The following SLC4A8 variants were observed in gnomAD, a reference collection of about 807,000 sequenced individuals.
The protein encoded by SLC4A8 is electroneutral sodium bicarbonate exchanger 1.
A neutral mutation model predicts 125.0 loss-of-function variants in SLC4A8; 40 were observed. The observed-to-expected ratio is 0.32, with a 90% CI of 0.25 to 0.42. The LOEUF (loss-of-function observed/expected upper bound fraction) is 0.42, where lower values mean the gene tolerates loss of function less well. Among genes scored for constraint, SLC4A8 ranks in the 10% least tolerant of loss-of-function variants. SLC4A8 has a pLI of 1.00. For missense variants in SLC4A8, 863 were observed against 1,355.1 expected (o/e 0.64, Z 5.70); for synonymous variants, 456 against 476.0 (o/e 0.96, Z 0.55).
rs1395732679 is a variant in SLC4A8, at chr12:51,400,763, TATATATATATATATACATACATACACAC to T, written c.-112+9277_-112+9304del. Among the ~76,000 whole-genome samples the T allele has an allele frequency of 1.6e-3, 14 of 8,680 alleles. 2 individuals carry two copies. The highest frequency in any genetic ancestry group is 4.4e-3 in the East Asian group (1 of 228). 5.7% of individuals were successfully genotyped at this position (8,680 alleles called of 152,430 possible). ...ATATATATATATATATATATATATA[TATATATATATATATACATACATACACAC>T]ACACACACACATATATAAACATATA... On this transcript the variant is annotated intron_variant, in intron 1 of 24. Coordinates refer to the SLC4A8 transcript ENST00000358657.
intron 1 of SLC4A8, among the ~76,000 whole-genome samples, chr12:51,410,483 T>C (rs1250813657): frequency 6.7e-6 from 1 of 150,338 alleles, no homozygotes; most frequent in Non-Finnish European, 1.5e-5. Flanking sequence ...TGAGATGGAG[T>C]TTTCACTCTT....
intron 15 of SLC4A8, among the ~76,000 whole-genome samples, 177 bp from the exon 16 acceptor site, chr12:51,474,868 A>G (rs927466497): frequency 1.3e-5 from 2 of 152,216 alleles, no homozygotes; most frequent in Non-Finnish European, 2.9e-5. Context: ...TAACCACCCT[A>G]CTTGAAAGTG....
At chr12:51,391,578 C>G (rs1291727801) in intron 1 of SLC4A8, 1 of 152,370 alleles carries the variant, frequency 6.6e-6, no homozygotes, top group Non-Finnish European at 1.5e-5. Context: ...GGGAGAGGGT[C>G]GCGGGCTCCT....
intron 1 of SLC4A8, among the ~76,000 whole-genome samples, chr12:51,428,406 C>T (rs946438584): frequency 6.6e-6 from 1 of 152,128 alleles, no homozygotes; most frequent in Non-Finnish European, 1.5e-5. Flanking sequence ...AGCAGCTCTC[C>T]CGTATCCAAA....
upstream of SLC4A8, among the ~76,000 whole-genome samples, chr12:51,422,577 C>T (rs1169720086): frequency 6.6e-6 from 1 of 152,098 alleles, no homozygotes; most frequent in East Asian, 1.9e-4. Flanking sequence ...CCAAGTTGGT[C>T]TTGAACTGTT....
At chr12:51,494,779 T>G (rs1951418769) in intron 20 of SLC4A8, 166 bp from the exon 21 acceptor site, 2 of 535,140 alleles carry the variant, frequency 3.7e-6, no homozygotes, top group Non-Finnish European at 6.6e-6. Context: ...CTTAATAACC[T>G]TGGCCAAATT....
At chr12:51,468,425 CA>C (rs1565799722) in intron 11 of SLC4A8, among the ~76,000 whole-genome samples, 1 of 152,186 alleles carries the variant, frequency 6.6e-6, no homozygotes, top group Non-Finnish European at 1.5e-5. Flanking sequence ...TATAGTTCTT[CA>C]GTAACTTGAC....
At chr12:51,455,622 G>T (rs1298674873) in intron 5 of SLC4A8, among the ~76,000 whole-genome samples, 1 of 152,140 alleles carries the variant, frequency 6.6e-6, no homozygotes, top group Non-Finnish European at 1.5e-5. Flanking sequence ...ATGCATGGGG[G>T]AGTTTTCTCT....
At chr12:51,478,417 C>A in intron 16 of SLC4A8, among the ~76,000 whole-genome samples, 1 of 151,638 alleles carries the variant, frequency 6.6e-6, no homozygotes, top group Admixed American at 6.6e-5. Flanking sequence ...CCAGCCTGGG[C>A]AACAGAGCGA....
rs1938468810 is a variant in SLC4A8 at position 51,514,505 on chromosome 12, C to T, written c.*7067C>T. ...TGGTCAGAGGTCCTAAAACCACCAC[C>T]AGCTGGGGGTGCTGAGAATGGTGAG... On this transcript the variant is annotated 3_prime_UTR_variant, in exon 25 of 25. Transcript: ENST00000453097. 1 of 152,202 alleles carries T rather than the reference C, an allele frequency of 6.6e-6. No individual in the cohort carries two copies. The highest frequency in any genetic ancestry group is 3.2e-3 in the Middle Eastern group (1 of 316). The allele number at this position is 152,202 out of a possible 1,614,324, so 9.4% of individuals were successfully genotyped here. A position where few individuals can be genotyped will look rare whatever the true frequency, so the allele number is the denominator to read the frequency against.
At chr12:51,498,421 C>T (rs896019544) in intron 22 of SLC4A8, among the ~76,000 whole-genome samples, 11 of 151,800 alleles carry the variant, frequency 7.2e-5, no homozygotes, top group Admixed American at 1.3e-4. Context: ...AATGATTGTG[C>T]AGCATCTGGA....
chr12:51,501,313 TC>T (rs1937873767), intron 22 of SLC4A8, among the ~76,000 whole-genome samples: 1 of 152,200 alleles, frequency 6.6e-6, no homozygotes. Flanking sequence ...TCCCCTGTCT[TC>T]CGCCTTTTGG....
upstream of SLC4A8, chr12:51,424,715 C>A: frequency 4.5e-6 from 2 of 449,172 alleles, no homozygotes. Context: ...CGGTTGGCTC[C>A]CCGGCTCCTC....
Position 51,513,005 on chromosome 12 carries a change from T to C in SLC4A8, c.*5567T>C, listed in dbSNP as rs1458189291. The C allele has an allele frequency of 2.0e-5, 3 of 152,002 alleles. No individual in the cohort carries two copies. Among genetic ancestry groups the C allele is most frequent in the African/African-American group, 7.3e-5 (3 of 41,358 alleles). 9.4% of individuals were successfully genotyped at this position (152,002 alleles called of 1,614,324 possible). ...TGGGAGATTTCAGAAACAGTTTGAG[T>C]GTTGGCAGACCAATGCCCTGATAAG... On this transcript the variant is annotated 3_prime_UTR_variant, in exon 25 of 25. Transcript: ENST00000453097.
At chr12:51,407,284 A>G (rs1350223982) in intron 1 of SLC4A8, among the ~76,000 whole-genome samples, 2 of 152,212 alleles carry the variant, frequency 1.3e-5, no homozygotes, top group Non-Finnish European at 2.9e-5. Flanking sequence ...TTAGAGATGA[A>G]GTTTTGCTCT....
At chr12:51,392,266 T>C (rs1278759276) in intron 1 of SLC4A8, 1 of 152,168 alleles carries the variant, frequency 6.6e-6, no homozygotes, top group Non-Finnish European at 1.5e-5. Flanking sequence ...CCAGTCAGAA[T>C]CACCTGAGAA....
In SLC4A8 at chr12:51,509,885, A is replaced by T. The variant is rs929891410; in HGVS notation, c.*2447A>T. Reference sequence around the variant, plus strand: ...GGTGAACTCCATGGGGAAGATTGTGAGTGAAGATGGGAAGGAATTTGGGTG... The same window carrying T: ...GGTGAACTCCATGGGGAAGATTGTGTGTGAAGATGGGAAGGAATTTGGGTG... On this transcript the variant is annotated 3_prime_UTR_variant, in exon 25 of 25. Transcript: ENST00000453097. 1.3e-5 allele frequency: 2 copies of T among 152,332 alleles called. No homozygotes were observed. The highest frequency in any genetic ancestry group is 4.8e-5 in the African/African-American group (2 of 41,406). The allele number at this position is 152,332 out of a possible 1,614,324, so 9.4% of individuals were successfully genotyped here.
At chr12:51,505,615 C>A (rs1408870165) in intron 23 of SLC4A8, among the ~76,000 whole-genome samples, 1 of 152,200 alleles carries the variant, frequency 6.6e-6, no homozygotes, top group Non-Finnish European at 1.5e-5. Flanking sequence ...GCACACCAGC[C>A]CAGCTTTCAG....
chr12:51,481,413 G>A (rs1041576635), intron 16 of SLC4A8, among the ~76,000 whole-genome samples: 3 of 152,184 alleles, frequency 2.0e-5, no homozygotes, highest in Non-Finnish European at 2.9e-5. Context: ...AATCTGTAAC[G>A]TTTATAGAAT....
Sources: gnomAD v4.1 joint callset for allele counts (sites outside exome capture counted in the v4.1 genomes callset) on GRCh38, gnomAD v4.1.1 for gene constraint, MANE v1.5 for transcripts, NCBI Gene and HGNC (gene_info 2026-07-23, HGNC 2026-07-21) for gene names.